GRM5: variants seen among roughly 807,000 people sequenced by gnomAD.
The protein encoded by GRM5 is glutamate metabotropic receptor 5.
In GRM5, 19 loss-of-function variants were observed where a neutral mutation model predicts 83.1. The observed-to-expected ratio is 0.23, with a 90% CI of 0.16 to 0.34. The LOEUF is 0.34. Among genes scored for constraint, GRM5 ranks in the 10% least tolerant of loss-of-function variants. The pLI is 1.00. For synonymous variants in GRM5, 675 were observed against 633.6 expected (o/e 1.07, Z -0.98); for missense variants, 1,160 against 1,588.3 (o/e 0.73, Z 4.58).
chr11:88,801,828 T>C (rs1220550513), intron 3 of GRM5, among the ~76,000 whole-genome samples: 3 of 152,280 alleles, frequency 2.0e-5, no homozygotes, highest in Middle Eastern at 3.4e-3. Context: ...TTACTAGTTA[T>C]ACATTAACAA....
chr11:88,561,549 C>A (rs562567093), intron 8 of GRM5, among the ~76,000 whole-genome samples: 179 of 152,260 alleles, frequency 1.2e-3, no homozygotes, highest in Non-Finnish European at 2.1e-3. Context: ...TCATCAGATT[C>A]AATGCTTTAT....
intron 2 of GRM5, among the ~76,000 whole-genome samples, chr11:88,984,376 G>A (rs1565320658): frequency 6.6e-6 from 1 of 152,010 alleles, no homozygotes; most frequent in Non-Finnish European, 1.5e-5. Context: ...TACAGTAATA[G>A]GCTGTACAGA....
chr11:88,528,882 A>G (rs11826538), intron 8 of GRM5, among the ~76,000 whole-genome samples: 2 of 151,958 alleles, frequency 1.3e-5, no homozygotes, highest in Admixed American at 6.6e-5. Flanking sequence ...AGTAAGCCCA[A>G]CCTCATGTGG....
intron 2 of GRM5, among the ~76,000 whole-genome samples, chr11:88,887,408 T>G (rs577169955): frequency 6.8e-6 from 1 of 148,146 alleles, no homozygotes; most frequent in South Asian, 2.1e-4. Context: ...TATTATGTAG[T>G]TTTTTTTTTG....
At chr11:88,747,996 G>A (rs1264384719) in intron 3 of GRM5, among the ~76,000 whole-genome samples, 1 of 152,162 alleles carries the variant, frequency 6.6e-6, no homozygotes, top group Non-Finnish European at 1.5e-5. Flanking sequence ...CACGAAGAAG[G>A]AAGAAAAGTC....
intron 3 of GRM5, among the ~76,000 whole-genome samples, chr11:88,701,227 T>C (rs905507112): frequency 2.0e-5 from 3 of 152,144 alleles, no homozygotes; most frequent in Non-Finnish European, 4.4e-5. Flanking sequence ...GGGCTGCAGA[T>C]CCACAGTTTT....
chr11:88,681,454 G>A (rs966600526), intron 3 of GRM5, among the ~76,000 whole-genome samples: 10 of 146,906 alleles, frequency 6.8e-5, no homozygotes, highest in Admixed American at 5.5e-4. Flanking sequence ...CTTAGCTTTT[G>A]TATCCCAGTG....
intron 2 of GRM5, among the ~76,000 whole-genome samples, chr11:88,962,686 T>A (rs1173484234): frequency 6.6e-6 from 1 of 152,034 alleles, no homozygotes. Context: ...CTAAAATGAG[T>A]AAGACGTACT....
chr11:88,600,210 CCTTCT>C (rs1565355207), intron 5 of GRM5, among the ~76,000 whole-genome samples: 1 of 151,680 alleles, frequency 6.6e-6, no homozygotes, highest in South Asian at 2.1e-4. Context: ...ATCTCCTCCT[CCTTCT>C]CTTCTTCCTC....
At chr11:88,885,380 C>T (rs1456837824) in intron 2 of GRM5, among the ~76,000 whole-genome samples, 1 of 143,362 alleles carries the variant, frequency 7.0e-6, no homozygotes, top group Non-Finnish European at 1.5e-5. Flanking sequence ...TAGAAAAATC[C>T]ATTGAGAACT....
chr11:88,609,849 G>A (rs2135239396), intron 4 of GRM5, among the ~76,000 whole-genome samples: 1 of 152,106 alleles, frequency 6.6e-6, no homozygotes, highest in South Asian at 2.1e-4. Context: ...TTTCTTCTAG[G>A]GTTTTTATAG....
At chr11:88,532,315 T>C (rs915715462) in intron 8 of GRM5, among the ~76,000 whole-genome samples, 2 of 152,142 alleles carry the variant, frequency 1.3e-5, no homozygotes, top group African/African-American at 4.8e-5. Flanking sequence ...AATAGAAGTA[T>C]GGTATGAGCA....
At chr11:88,648,315 C>A (rs1369433450) in intron 4 of GRM5, among the ~76,000 whole-genome samples, 16 of 148,688 alleles carry the variant, frequency 1.1e-4, no homozygotes, top group South Asian at 2.2e-4. Context: ...ATGGAATACT[C>A]TGCAGCCATA....
At chr11:89,021,683 A>C in intron 2 of GRM5, among the ~76,000 whole-genome samples, 1 of 152,210 alleles carries the variant, frequency 6.6e-6, no homozygotes, top group Non-Finnish European at 1.5e-5. Flanking sequence ...AGAGCTAAGA[A>C]ATGCAATTTT....
chr11:88,544,845 G>T (rs542689554), intron 8 of GRM5, among the ~76,000 whole-genome samples: 1 of 152,324 alleles, frequency 6.6e-6, no homozygotes, highest in South Asian at 2.1e-4. Context: ...TGGTACCAAC[G>T]AAATCCTTGG....
intron 2 of GRM5, among the ~76,000 whole-genome samples, chr11:88,967,240 TATATACAC>T (rs1237796299): frequency 1.6e-5 from 2 of 121,844 alleles, no homozygotes; most frequent in African/African-American, 6.5e-5. Flanking sequence ...TGTATATATA[TATATACAC>T]ATATATATAT....
At chr11:88,580,912 G>A (rs547388292) in intron 7 of GRM5, among the ~76,000 whole-genome samples, 43 of 152,160 alleles carry the variant, frequency 2.8e-4, no homozygotes, top group African/African-American at 1.0e-3. Flanking sequence ...AGGCTGAGGC[G>A]GCCTGACTAA....
chr11:89,009,918 A>ACAAAAC (rs1940644761), intron 2 of GRM5, among the ~76,000 whole-genome samples: 5 of 136,184 alleles, frequency 3.7e-5, no homozygotes, highest in African/African-American at 1.6e-4. Context: ...AAAAAAAAAA[A>ACAAAAC]AAAAAAAAAA....
chr11:88,694,329 T>C (rs181878181), intron 3 of GRM5, among the ~76,000 whole-genome samples: 26 of 152,268 alleles, frequency 1.7e-4, no homozygotes, highest in Admixed American at 3.3e-4. Context: ...ATATTGCTAT[T>C]TTATATCAGT....
Sources: allele counts gnomAD v4.1 joint callset (sites outside exome capture counted in the v4.1 genomes callset), GRCh38; gene constraint gnomAD v4.1.1; transcripts MANE v1.5; gene names NCBI Gene and HGNC (gene_info 2026-07-23, HGNC 2026-07-21).